Variants in BPTF observed in about 807,000 individuals in gnomAD.
The protein encoded by BPTF is bromodomain PHD finger transcription factor, also known as nucleosome-remodeling factor subunit BPTF.
Under a neutral mutation model 292.5 loss-of-function variants are expected in BPTF, and 18 were observed. The ratio of observed to expected loss-of-function variants is 0.06; its 90% CI spans 0.04 to 0.09. BPTF has a LOEUF of 0.09. BPTF is among the 10% of genes least tolerant of loss of function. The pLI is 1.00. For synonymous variants in BPTF, 1,225 were observed against 1,251.9 expected, an observed-to-expected ratio of 0.98 and a Z score of 0.45; for missense variants, 2,726 against 3,498.7, an observed-to-expected ratio of 0.78 and a Z score of 5.57.
intron 18 of BPTF, among the ~76,000 whole-genome samples, chr17:67,939,222 G>C (rs540625155): frequency 1.1e-4 from 16 of 152,262 alleles, no homozygotes; most frequent in Admixed American, 7.2e-4. Context: ...AAAAAGGTGT[G>C]GGGGAAGTAT....
chr17:67,832,979 A>G (rs1359394542), intron 1 of BPTF, among the ~76,000 whole-genome samples: 1 of 140,328 alleles, frequency 7.1e-6, no homozygotes, highest in Non-Finnish European at 1.5e-5. Context: ...TTTTTTTTTT[A>G]GTAGAGACAG....
chr17:67,844,989 C>T (rs950059901), intron 1 of BPTF, among the ~76,000 whole-genome samples: 8 of 152,188 alleles, frequency 5.3e-5, no homozygotes, highest in Middle Eastern at 3.4e-3. Flanking sequence ...GTAATCCATC[C>T]GCCTCAGCCT....
rs1360376631 is a variant in BPTF, at chr17:67,912,190, G to A, written c.4306G>A (p.Val1436Ile). ...ISESRVVSGNVEPKVNNINKI... is the reference protein window; with the variant it reads ...ISESRVVSGNIEPKVNNINKI... ...TGAGAGTAGAGTAGTAAGTGGTAAT[G>A]TTGAACCAAAGGTTAATAATATAAA... Residue 1436 changes from valine to isoleucine, a missense_variant, in exon 11 of 28, where the codon GTT (valine) becomes ATT (isoleucine). Val to Ile is a conservative substitution (Grantham distance 29). This residue lies in a region of BPTF where 713 missense variants were observed against 714.9 expected (regional missense o/e 1.00). Coordinates refer to ENST00000306378, the MANE Select transcript of BPTF (RefSeq NM_182641.4). 6.2e-7 allele frequency: 1 copy of A among 1,610,932 alleles called. No individual in the cohort carries two copies. The highest frequency in any genetic ancestry group is 1.7e-5 in the Admixed American group (1 of 59,618).
At position 67,911,112 on chromosome 17, in the gene BPTF, A is replaced by G; in HGVS notation, c.3228A>G (p.Lys1076=). Residue 1076 remains lysine, a synonymous_variant, in exon 11 of 28, where the codon AAA becomes AAG. Transcript: ENST00000306378. ...RRIKQFTLEE[K]QRLEKIKLEG... The stretch of plus-strand genomic sequence containing the variant: ...TTAAACAGTTTACACTGGAAGAAAA[A>G]CAGCGACTCGAAAAAATCAAGTTGG... The G allele has an allele frequency of 6.2e-7, 1 of 1,613,914 alleles. No homozygotes were observed. Among genetic ancestry groups the G allele is most frequent in the African/African-American group, 1.3e-5 (1 of 75,038 alleles).
chr17:67,873,992 C>CTGGTTGGATGGATGGATGGA, intron 3 of BPTF, among the ~76,000 whole-genome samples: 1 of 150,448 alleles, frequency 6.6e-6, no homozygotes, highest in African/African-American at 2.5e-5. Context: ...TAAGAAAATG[C>CTGGTTGGATGGATGGATGGA]TGGATGGATG....
At chr17:67,892,182 A>T (rs2061161318) in intron 5 of BPTF, 148 bp downstream of exon 5, 1 of 649,568 alleles carries the variant, frequency 1.5e-6, no homozygotes, top group African/African-American at 1.9e-5. Flanking sequence ...GTAGTAGTTA[A>T]CAAGACTGAA....
At chr17:67,977,382 G>A (rs1363335744) in intron 27 of BPTF, among the ~76,000 whole-genome samples, 1 of 152,064 alleles carries the variant, frequency 6.6e-6, no homozygotes, top group African/African-American at 2.4e-5. Context: ...AGGCATAATG[G>A]TGCACGCCTG....
intron 27 of BPTF, among the ~76,000 whole-genome samples, chr17:67,976,224 A>G (rs1392862799): frequency 3.3e-5 from 5 of 152,138 alleles, no homozygotes; most frequent in African/African-American, 1.2e-4. Flanking sequence ...TGTAATCCCA[A>G]CACTTTGGGA....
chr17:67,934,007 G>A (rs535625548), intron 18 of BPTF, among the ~76,000 whole-genome samples: 130 of 151,848 alleles, frequency 8.6e-4, no homozygotes, highest in Non-Finnish European at 1.5e-3. Context: ...CCCTGCCATT[G>A]CACTCCAACG....
chr17:67,835,145 G>A (rs1249039300), intron 1 of BPTF, among the ~76,000 whole-genome samples: 1 of 152,054 alleles, frequency 6.6e-6, no homozygotes, highest in Non-Finnish European at 1.5e-5. Context: ...AGGAGTTAGA[G>A]GCCCTAGTCA....
chr17:67,869,322 A>G (rs2059571602), intron 3 of BPTF, among the ~76,000 whole-genome samples: 1 of 152,222 alleles, frequency 6.6e-6, no homozygotes, highest in South Asian at 2.1e-4. Context: ...TAGATTATGT[A>G]TACAGTATAA....
At chr17:67,942,532 A>G (rs1207000085) in intron 19 of BPTF, among the ~76,000 whole-genome samples, 1 of 152,192 alleles carries the variant, frequency 6.6e-6, no homozygotes, top group African/African-American at 2.4e-5. Context: ...TGGTGGGCCT[A>G]TCAGTCGGTT....
intron 24 of BPTF, among the ~76,000 whole-genome samples, chr17:67,961,067 T>G (rs2067437095): frequency 6.6e-6 from 1 of 152,238 alleles, no homozygotes; most frequent in African/African-American, 2.4e-5. Flanking sequence ...CTAAATGATT[T>G]CTGAAACAGG....
intron 1 of BPTF, among the ~76,000 whole-genome samples, chr17:67,839,810 A>G (rs1185470407): frequency 6.6e-6 from 1 of 152,200 alleles, no homozygotes; most frequent in African/African-American, 2.4e-5. Flanking sequence ...GTAAATACCT[A>G]GGAGTATGAT....
chr17:67,967,674 C>G (rs12939100), intron 26 of BPTF, among the ~76,000 whole-genome samples: 1 of 151,838 alleles, frequency 6.6e-6, no homozygotes, highest in Non-Finnish European at 1.5e-5. Flanking sequence ...GAAAAATTAG[C>G]CAGTTGTGGT....
intron 7 of BPTF, among the ~76,000 whole-genome samples, chr17:67,900,643 G>T (rs1465001949): frequency 6.6e-6 from 1 of 152,012 alleles, no homozygotes; most frequent in East Asian, 1.9e-4. Flanking sequence ...AGGATACTTT[G>T]GGAATAAGAT....
chr17:67,897,389 C>G (rs1244121859), intron 7 of BPTF, among the ~76,000 whole-genome samples: 1 of 132,734 alleles, frequency 7.5e-6, no homozygotes, highest in Admixed American at 7.6e-5. Context: ...AAGAGACATA[C>G]TAACCAATAT....
rs773414397 is a variant in BPTF at position 67,931,916 on chromosome 17, C to T, written c.6156C>T (p.Ile2052=). The change falls in exon 18 of 28, where the codon ATC becomes ATT. Residue 2052 remains isoleucine (I), a synonymous_variant. Transcript: ENST00000306378. ...SGGTTSNSQV[I]TGPQIRPGMT... ...GTTCTTTGTGTCATTTATAGGTAAT[C>T]ACAGGGCCTCAGATTCGCCCTGGTA... 1.9e-5 allele frequency: 31 copies of T among 1,610,920 alleles called. No individual in the cohort carries two copies. The highest frequency in any genetic ancestry group is 2.5e-5 in the Non-Finnish European group (29 of 1,178,274).
intron 4 of BPTF, among the ~76,000 whole-genome samples, chr17:67,887,786 A>G (rs192484621): frequency 3.9e-5 from 6 of 152,214 alleles, no homozygotes; most frequent in Non-Finnish European, 7.4e-5. Flanking sequence ...GTCTACATAT[A>G]TTTATGTGTG....
Sources: allele counts gnomAD v4.1 joint callset (sites outside exome capture counted in the v4.1 genomes callset), GRCh38; gene constraint gnomAD v4.1.1; regional missense constraint gnomAD v4.1.1; transcripts MANE v1.5; gene names NCBI Gene and HGNC (gene_info 2026-07-23, HGNC 2026-07-21).